The following ZNF180 variants were observed in gnomAD, a reference collection of about 807,000 sequenced individuals.
The protein encoded by ZNF180 is zinc finger protein 180 (HHZ168).
Under a neutral mutation model 11.8 loss-of-function variants are expected in ZNF180, and 11 were observed. The ratio of observed to expected loss-of-function variants is 0.93; its 90% CI spans 0.59 to 1.55. The LOEUF (loss-of-function observed/expected upper bound fraction) is 1.55. Among genes scored for constraint, ZNF180 ranks in the 40% most tolerant of loss-of-function variants. ZNF180 has a pLI of 0.00. For missense variants in ZNF180, 773 were observed against 781.7 expected (o/e 0.99, Z 0.13); for synonymous variants, 287 against 257.7 (o/e 1.11, Z -1.09).
rs1475482653 is a variant in ZNF180 at position 44,479,221 on chromosome 19, T to A, written c.253+62A>T. 4.4e-6 allele frequency: 7 copies of A among 1,578,492 alleles called. No homozygotes were observed. The East Asian group carries it at 1.6e-4, about 36-fold the overall frequency. On this transcript the variant is annotated intron_variant, in intron 4 of 4. Transcript: ENST00000592529. ...GGCTGCTGAATTTCACAGTTCTTAA[T>A]CGATCAGAATGTGAAATCATTTCAG...
intron 2 of ZNF180, among the ~76,000 whole-genome samples, chr19:44,490,015 GAAAGA>G (rs1970396221): frequency 4.3e-4 from 46 of 107,204 alleles, no homozygotes; most frequent in African/African-American, 1.0e-3. Context: ...GAAAAGAAAA[GAAAGA>G]AAAAGACAGG....
At chr19:44,483,247 A>G (rs1970129244) in intron 3 of ZNF180, among the ~76,000 whole-genome samples, 2 of 152,136 alleles carry the variant, frequency 1.3e-5, no homozygotes, top group South Asian at 2.1e-4. Flanking sequence ...TAATTACTCA[A>G]TTTAAGGTTC....
At chr19:44,489,773 T>C (rs1281198090) in intron 2 of ZNF180, among the ~76,000 whole-genome samples, 1 of 125,830 alleles carries the variant, frequency 7.9e-6, no homozygotes, top group African/African-American at 3.0e-5. Flanking sequence ...AAGAAAAATT[T>C]AGAAATGGGA....
At chr19:44,494,135 C>T (rs1309494122) in intron 2 of ZNF180, among the ~76,000 whole-genome samples, 7 of 152,230 alleles carry the variant, frequency 4.6e-5, no homozygotes, top group South Asian at 2.1e-4. Flanking sequence ...ATAAGAAGCG[C>T]GTTTCTGGTT....
intron 3 of ZNF180, among the ~76,000 whole-genome samples, chr19:44,481,302 A>G (rs1568426553): frequency 6.6e-6 from 1 of 152,216 alleles, no homozygotes; most frequent in African/African-American, 2.4e-5. Flanking sequence ...ACTGCTGTAT[A>G]TGCCTCTAAG....
In ZNF180 at chr19:44,476,947, G is replaced by A; in HGVS notation, c.1453C>T (p.Gln485Ter). ...GGTTTTTCTCCTGTGTGAGTTCTCT[G>A]ATGAGCAACAAGTTTATAACTTTGA... ...FSQSYKLVAH[Q>*]RTHTGEKPFE... Residue 485 changes from glutamine (Q) to a stop codon, truncating the protein, a stop_gained, in exon 5 of 5, where the codon CAG becomes TAG. Coordinates refer to ENST00000592529, the MANE Select transcript of ZNF180 (RefSeq NM_001278509.3). LOFTEE classifies it low-confidence loss of function (END_TRUNC). The A allele has an allele frequency of 6.2e-7, 1 of 1,613,962 alleles. No individual in the cohort carries two copies. The highest frequency in any genetic ancestry group is 1.1e-5 in the South Asian group (1 of 91,076).
At chr19:44,498,697 G>A (rs1970654485) in intron 1 of ZNF180, among the ~76,000 whole-genome samples, 1 of 152,070 alleles carries the variant, frequency 6.6e-6, no homozygotes. Context: ...CCGCCCCTCT[G>A]CAGCTGCTCC....
rs970741433 is a variant in ZNF180 at position 44,474,939 on chromosome 19, G to C, written c.*1463C>G. ...AACAATCTCTGGATTAATCCTCATA[G>C]AGATGGCTCCACTTAGGGTCATCTC... On this transcript the variant is annotated 3_prime_UTR_variant, in exon 5 of 5. Coordinates refer to ENST00000592529, the MANE Select transcript of ZNF180 (RefSeq NM_001278509.3). 2 of 152,248 alleles carry C rather than the reference G, an allele frequency of 1.3e-5. No individual in the cohort carries two copies. The highest frequency in any genetic ancestry group is 4.8e-5 in the African/African-American group (2 of 41,464). 9.4% of individuals were successfully genotyped at this position (152,248 alleles called of 1,614,324 possible). A position where few individuals can be genotyped will look rare whatever the true frequency, so the allele number is the denominator to read the frequency against.
At chr19:44,480,286 G>T (rs1450656616) in intron 3 of ZNF180, among the ~76,000 whole-genome samples, 1 of 152,002 alleles carries the variant, frequency 6.6e-6, no homozygotes. Flanking sequence ...TTAAAATTTT[G>T]TAGAGACAGA....
intron 1 of ZNF180, among the ~76,000 whole-genome samples, chr19:44,499,356 T>C (rs1970674923): frequency 6.6e-6 from 1 of 152,174 alleles, no homozygotes; most frequent in Admixed American, 6.5e-5. Context: ...GCAAATAGCG[T>C]ACCCAAGTAA....
chr19:44,490,037 AGAGGG>A (rs1970399532), intron 2 of ZNF180, among the ~76,000 whole-genome samples: 39 of 137,182 alleles, frequency 2.8e-4, no homozygotes, highest in South Asian at 5.0e-4. Flanking sequence ...CAGGAAAGAA[AGAGGG>A]AAGGGAAGGG....
chr19:44,476,934 G>A lies in ZNF180; in HGVS notation c.1466C>T (p.Thr489Ile). 2 of 1,614,082 alleles carry A rather than the reference G, an allele frequency of 1.2e-6. No individual in the cohort carries two copies. The highest frequency in any genetic ancestry group is 1.7e-6 in the Non-Finnish European group (2 of 1,180,012). Residue 489 changes from threonine to isoleucine, a missense_variant, in exon 5 of 5, where the codon ACA (threonine) becomes ATA (isoleucine). Physicochemically the swap from Thr to Ile is moderately conservative, Grantham distance 89 (BLOSUM62 -1). Coordinates refer to ENST00000592529, the MANE Select transcript of ZNF180 (RefSeq NM_001278509.3). ...YKLVAHQRTH[T>I]GEKPFECNQC... ...ATTACATTCAAAGGGTTTTTCTCCT[G>A]TGTGAGTTCTCTGATGAGCAACAAG...
At position 44,477,585 on chromosome 19, in the gene ZNF180, T is replaced by C; in HGVS notation, c.815A>G (p.Lys272Arg). The change falls in exon 5 of 5, where the codon AAA becomes AGA. Residue 272 changes from lysine to arginine, a missense_variant. Lys to Arg is a conservative substitution (Grantham distance 26). Coordinates refer to ENST00000592529, the MANE Select transcript of ZNF180 (RefSeq NM_001278509.3). The stretch of plus-strand genomic sequence containing the variant: ...CCCACATTCTTTAAAATCAAAGGTT[T>C]TTCCTCCTCCATGAATTTTTTCATG... The part of the protein sequence containing the change: ...HIHEKIHGGG[K>R]TFDFKECGQV... The C allele has an allele frequency of 6.2e-7, 1 of 1,614,130 alleles. No homozygotes were observed.
chr19:44,476,652 C>G lies in ZNF180; in HGVS notation c.1748G>C (p.Cys583Ser). Residue 583 changes from cysteine (C) to serine (S), a missense_variant, in exon 5 of 5, where the codon TGT becomes TCT. Cys to Ser is a moderately radical substitution (Grantham distance 112). Coordinates refer to ENST00000592529, the MANE Select transcript of ZNF180 (RefSeq NM_001278509.3). ...TGEKPYECSQ[C>S]GKSFRQSSCL... Reference sequence around the variant, plus strand: ...TGAACTCTGTCTGAAGGACTTCCCACATTGACTGCATTCATAGGGCTTTTC... The same window carrying G: ...TGAACTCTGTCTGAAGGACTTCCCAGATTGACTGCATTCATAGGGCTTTTC... 1.2e-6 allele frequency: 2 copies of G among 1,614,188 alleles called. No individual in the cohort carries two copies. Among genetic ancestry groups the G allele is most frequent in the South Asian group, 2.2e-5 (2 of 91,080 alleles).
At chr19:44,485,545 G>A (rs979200066) in intron 2 of ZNF180, among the ~76,000 whole-genome samples, 16 of 152,222 alleles carry the variant, frequency 1.1e-4, no homozygotes, top group South Asian at 1.0e-3. Context: ...TGACCACGTC[G>A]GGTGTTTTTG....
At chr19:44,482,982 C>A (rs1970121841) in intron 3 of ZNF180, among the ~76,000 whole-genome samples, 1 of 152,236 alleles carries the variant, frequency 6.6e-6, no homozygotes, top group East Asian at 1.9e-4. Context: ...AGCTGCTCTT[C>A]ATCAGCTCAT....
intron 1 of ZNF180, among the ~76,000 whole-genome samples, chr19:44,498,135 A>G (rs1970637868): frequency 6.6e-6 from 1 of 152,068 alleles, no homozygotes; most frequent in East Asian, 1.9e-4. Context: ...CCCTCCACCA[A>G]CTTGGGTATA....
chr19:44,496,672 C>CAAAAAAAAAAAAAAAA (rs55678572), intron 2 of ZNF180: 2 of 71,598 alleles, frequency 2.8e-5, no homozygotes, highest in Non-Finnish European at 4.8e-5. Flanking sequence ...GACTCTGTCT[C>CAAAAAAAAAAAAAAAA]AAAAAAAAAA....
intron 3 of ZNF180, among the ~76,000 whole-genome samples, chr19:44,483,999 T>C (rs914724768): frequency 1.2e-4 from 3 of 25,802 alleles, no homozygotes; most frequent in Non-Finnish European, 2.4e-4. Flanking sequence ...TTCTTTCTTT[T>C]TTTTTTTTTT....
Sources: gnomAD v4.1 joint callset for allele counts (sites outside exome capture counted in the v4.1 genomes callset) on GRCh38, gnomAD v4.1.1 for gene constraint, MANE v1.5 for transcripts, NCBI Gene and HGNC (gene_info 2026-07-23, HGNC 2026-07-21) for gene names.